Variants in C7 observed in about 807,000 individuals in gnomAD.
The protein encoded by C7 is complement C7, also known as complement component C7.
In C7, 83 loss-of-function variants were observed where a neutral mutation model predicts 104.8. The observed-to-expected ratio is 0.79, with a 90% CI of 0.66 to 0.95. The LOEUF is 0.95. Ranked by LOEUF, C7 falls within the 40% of genes least tolerant of loss-of-function variation. C7 has a pLI of 0.00. For missense variants in C7, 1,070 were observed against 1,011.2 expected (o/e 1.06, Z -0.79); for synonymous variants, 415 against 360.6 (o/e 1.15, Z -1.71).
chr5:40,976,205 G>T (rs113322952), intron 15 of C7, among the ~76,000 whole-genome samples: 1 of 152,160 alleles, frequency 6.6e-6, no homozygotes, highest in Non-Finnish European at 1.5e-5. Flanking sequence ...AGATCTTCTC[G>T]GCACACCAGG....
intron 14 of C7, among the ~76,000 whole-genome samples, chr5:40,971,556 A>C (rs183574646): frequency 2.0e-5 from 3 of 152,280 alleles, no homozygotes; most frequent in Non-Finnish European, 2.9e-5. Context: ...CTCTGATGAT[A>C]GTTTCTTTTG....
At chr5:40,949,805 C>G (rs1311742298) in intron 8 of C7, 99 bp from the exon 9 acceptor site, 18 of 729,812 alleles carry the variant, frequency 2.5e-5, no homozygotes, top group Non-Finnish European at 3.4e-5. Context: ...ATTAGATGGC[C>G]ATAGTAGCAG....
intron 9 of C7, among the ~76,000 whole-genome samples, chr5:40,951,366 G>A (rs1163570015): frequency 2.6e-5 from 4 of 152,160 alleles, no homozygotes; most frequent in African/African-American, 4.8e-5. Context: ...TGCAGGAACA[G>A]GAAACCAAAT....
chr5:40,928,455 A>C (rs1210790917), intron 1 of C7, 125 bp from the exon 2 acceptor site: 1 of 609,012 alleles, frequency 1.6e-6, no homozygotes, highest in Non-Finnish European at 2.9e-6. Context: ...AAATTATTTC[A>C]CATTGTATTG....
At position 40,958,337 on chromosome 5, in the gene C7, T is replaced by C. The variant is rs975293066; in HGVS notation, c.1489+76T>C. On this transcript the variant is annotated intron_variant, in intron 11 of 17. Coordinates refer to ENST00000313164, the MANE Select transcript of C7 (RefSeq NM_000587.4). ...TACCCTGTTTCTCTGCTCCTTGAGA[T>C]GCTTCTTTGTGTATGAAGAGATGAA... The C allele has an allele frequency of 1.7e-5, 14 of 844,562 alleles. No individual in the cohort carries two copies. The African/African-American group carries it at 2.4e-4, about 14-fold the overall frequency. The allele number at this position is 844,562 out of a possible 1,614,324, so 52.3% of individuals were successfully genotyped here. A position where few individuals can be genotyped will look rare whatever the true frequency, so the allele number is the denominator to read the frequency against.
chr5:40,971,290 A>G (rs1740693000), intron 14 of C7, among the ~76,000 whole-genome samples: 1 of 152,210 alleles, frequency 6.6e-6, no homozygotes, highest in Non-Finnish European at 1.5e-5. Context: ...AACTGGCGTG[A>G]GATGGTATCT....
chr5:40,952,850 C>A (rs1740204098), intron 9 of C7, among the ~76,000 whole-genome samples: 1 of 152,188 alleles, frequency 6.6e-6, no homozygotes, highest in African/African-American at 2.4e-5. Flanking sequence ...TTTGTAGGGA[C>A]ATGGATGAAG....
At chr5:40,913,047 T>C (rs1739243562) in intron 1 of C7, among the ~76,000 whole-genome samples, 1 of 152,218 alleles carries the variant, frequency 6.6e-6, no homozygotes, top group Non-Finnish European at 1.5e-5. Context: ...AGTGAGAATA[T>C]GAGGTACTTG....
chr5:40,955,042 C>T, intron 9 of C7: 2 of 243,540 alleles, frequency 8.2e-6, no homozygotes, highest in Non-Finnish European at 7.9e-6. Flanking sequence ...CCACTATCAA[C>T]ATCTCCTAAC....
At chr5:40,971,980 A>C (rs1286983707) in intron 14 of C7, 3 of 427,046 alleles carry the variant, frequency 7.0e-6, no homozygotes, top group African/African-American at 6.2e-5. Context: ...TAAATAAATA[A>C]ATAAAAGTGG....
intron 9 of C7, among the ~76,000 whole-genome samples, chr5:40,950,692 A>G (rs1740149100): frequency 6.6e-6 from 1 of 152,200 alleles, no homozygotes; most frequent in Admixed American, 6.6e-5. Context: ...CCTCTGTATT[A>G]TAAATATGTT....
intron 6 of C7, among the ~76,000 whole-genome samples, chr5:40,942,310 C>T (rs1739956797): frequency 1.3e-5 from 2 of 151,990 alleles, no homozygotes; most frequent in Non-Finnish European, 2.9e-5. Flanking sequence ...GCCAGTAGAG[C>T]AAGAAAAATG....
At chr5:40,948,449 A>G (rs897542324) in intron 8 of C7, among the ~76,000 whole-genome samples, 9 of 152,248 alleles carry the variant, frequency 5.9e-5, no homozygotes, top group African/African-American at 2.2e-4. Context: ...TATGAGACTT[A>G]TCCAAGGTCA....
intron 2 of C7, among the ~76,000 whole-genome samples, chr5:40,929,748 C>T (rs916266473): frequency 2.6e-5 from 4 of 152,146 alleles, no homozygotes; most frequent in African/African-American, 9.7e-5. Flanking sequence ...GTCAACTCTC[C>T]ATTTTCACAT....
At chr5:40,950,479 T>C (rs1472842695) in intron 9 of C7, among the ~76,000 whole-genome samples, 3 of 151,998 alleles carry the variant, frequency 2.0e-5, no homozygotes, top group Non-Finnish European at 4.4e-5. Flanking sequence ...ATTCCGTGTC[T>C]TCGCTATTGT....
intron 16 of C7, among the ~76,000 whole-genome samples, chr5:40,977,732 G>A (rs1330446991): frequency 2.0e-5 from 3 of 152,182 alleles, no homozygotes; most frequent in African/African-American, 7.2e-5. Context: ...CCACGATGTG[G>A]CCCATACATG....
intron 9 of C7, among the ~76,000 whole-genome samples, chr5:40,954,354 A>G (rs1579861281): frequency 6.6e-6 from 1 of 152,256 alleles, no homozygotes; most frequent in East Asian, 1.9e-4. Context: ...GATAATATTG[A>G]CTGATTCTTT....
At chr5:40,945,158 A>G in intron 6 of C7, 40 bp from the exon 7 acceptor site, 1 of 1,113,846 alleles carries the variant, frequency 9.0e-7, no homozygotes, top group Non-Finnish European at 1.3e-6. Context: ...AGGATCCAGC[A>G]TTAATTTAGT....
intron 14 of C7, among the ~76,000 whole-genome samples, chr5:40,968,568 TTATA>T (rs1240185830): frequency 1.2e-3 from 77 of 63,698 alleles, no homozygotes; most frequent in African/African-American, 3.7e-3. Flanking sequence ...TATATATATT[TTATA>T]TATATATATA....
Sources: gnomAD v4.1 joint callset for allele counts (sites outside exome capture counted in the v4.1 genomes callset) on GRCh38, gnomAD v4.1.1 for gene constraint, MANE v1.5 for transcripts, NCBI Gene and HGNC (gene_info 2026-07-23, HGNC 2026-07-21) for gene names.